Variants in SEMA6D observed in about 807,000 individuals in gnomAD.
SEMA6D encodes semaphorin-6D.
In SEMA6D, 35 loss-of-function variants were observed where a neutral mutation model predicts 106.6. That is an observed-to-expected ratio of 0.33 (90% CI 0.25 to 0.44). The LOEUF is 0.44. Ranked by LOEUF, SEMA6D falls within the 20% of genes least tolerant of loss-of-function variation. The pLI is 1.00. For synonymous variants in SEMA6D, 499 were observed against 487.7 expected, an observed-to-expected ratio of 1.02 and a Z score of -0.31; for missense variants, 1,185 against 1,345.9, an observed-to-expected ratio of 0.88 and a Z score of 1.87.
At chr15:47,581,339 T>A (rs755100346) in intron 3 of SEMA6D, 38 of 493,212 alleles carry the variant, frequency 7.7e-5, no homozygotes, top group South Asian at 5.5e-4. Context: ...TATGTCACCT[T>A]ATGGCAGAAC....
At chr15:47,768,067 T>C (rs1297495665) in intron 17 of SEMA6D, among the ~76,000 whole-genome samples, 2 of 152,156 alleles carry the variant, frequency 1.3e-5, no homozygotes, top group East Asian at 1.9e-4. Flanking sequence ...CAGGAGCCCC[T>C]GGTAACAACC....
At chr15:47,408,021 G>A (rs566132677) in intron 1 of SEMA6D, among the ~76,000 whole-genome samples, 36 of 152,276 alleles carry the variant, frequency 2.4e-4, no homozygotes, top group Middle Eastern at 3.4e-3. Context: ...CAGTAGATAG[G>A]ACTCTTAACC....
chr15:47,708,113 A>G (rs2078947816), intron 4 of SEMA6D, among the ~76,000 whole-genome samples: 1 of 152,184 alleles, frequency 6.6e-6, no homozygotes, highest in Non-Finnish European at 1.5e-5. Context: ...CAAGCTGTAT[A>G]TCCTCCGGCT....
chr15:47,382,072 C>G (rs555542209), intron 1 of SEMA6D, among the ~76,000 whole-genome samples: 38 of 151,984 alleles, frequency 2.5e-4, no homozygotes, highest in Admixed American at 1.5e-3. Flanking sequence ...AATAAAGATA[C>G]AAAGAGGTAA....
intron 1 of SEMA6D, among the ~76,000 whole-genome samples, chr15:47,742,311 A>C (rs1287478963): frequency 6.6e-6 from 1 of 152,144 alleles, no homozygotes; most frequent in African/African-American, 2.4e-5. Flanking sequence ...AACCATGGTG[A>C]AAGAGGGAGT....
At chr15:47,642,457 C>CAT (rs563950486) in intron 4 of SEMA6D, among the ~76,000 whole-genome samples, 5 of 152,178 alleles carry the variant, frequency 3.3e-5, no homozygotes, top group African/African-American at 1.2e-4. Flanking sequence ...CACACACACA[C>CAT]TAGCTGCTGA....
intron 3 of SEMA6D, among the ~76,000 whole-genome samples, chr15:47,594,459 G>C (rs954024324): frequency 6.6e-6 from 1 of 152,176 alleles, no homozygotes; most frequent in Non-Finnish European, 1.5e-5. Flanking sequence ...ATTGTAAGTA[G>C]GTAGTTCATG....
rs117592038 is a variant in SEMA6D, at chr15:47,323,112, A to G, written c.-238-89281A>G. Reference sequence around the variant, plus strand: ...TATCTCTCATCTTTTCATATTGTCTATGTAAGTGTTGTGGCTTTTTAGCTC... The same window carrying G: ...TATCTCTCATCTTTTCATATTGTCTGTGTAAGTGTTGTGGCTTTTTAGCTC... On this transcript the variant is annotated intron_variant, in intron 1 of 19. Coordinates refer to the SEMA6D transcript ENST00000558014. Among the ~76,000 whole-genome samples, 17 of 152,210 alleles carry G rather than the reference A, an allele frequency of 1.1e-4. No individual in the cohort carries two copies. The East Asian group carries it at 2.1e-3, about 19-fold the overall frequency.
chr15:47,642,038 G>A (rs1276099938), intron 4 of SEMA6D, among the ~76,000 whole-genome samples: 2 of 152,138 alleles, frequency 1.3e-5, no homozygotes, highest in East Asian at 1.9e-4. Context: ...TAGCCACTCG[G>A]TAAATGTTTG....
intron 2 of SEMA6D, among the ~76,000 whole-genome samples, chr15:47,417,940 G>T (rs2041029441): frequency 6.6e-6 from 1 of 151,906 alleles, no homozygotes; most frequent in Non-Finnish European, 1.5e-5. Flanking sequence ...AAAAATGTCT[G>T]CATTCAAGGA....
chr15:47,186,104 C>T (rs1323600355), intron 1 of SEMA6D, among the ~76,000 whole-genome samples: 1 of 151,688 alleles, frequency 6.6e-6, no homozygotes, highest in Admixed American at 6.6e-5. Context: ...TATATATATA[C>T]ACATATATAG....
At chr15:47,614,237 C>G (rs2076965460) in intron 4 of SEMA6D, among the ~76,000 whole-genome samples, 1 of 152,172 alleles carries the variant, frequency 6.6e-6, no homozygotes, top group African/African-American at 2.4e-5. Flanking sequence ...CGTGCCCAAA[C>G]CACTTCCCTG....
At chr15:47,227,686 C>A (rs1351578794) in intron 1 of SEMA6D, among the ~76,000 whole-genome samples, 2 of 150,026 alleles carry the variant, frequency 1.3e-5, no homozygotes, top group African/African-American at 4.9e-5. Flanking sequence ...GATGCAATTT[C>A]AGGACTGAAA....
intron 3 of SEMA6D, among the ~76,000 whole-genome samples, chr15:47,535,236 C>T (rs1359308732): frequency 6.6e-6 from 1 of 152,104 alleles, no homozygotes; most frequent in African/African-American, 2.4e-5. Flanking sequence ...TATGTGTACC[C>T]GGTGCTGCTC....
intron 4 of SEMA6D, among the ~76,000 whole-genome samples, chr15:47,701,767 GAT>G (rs762061567): frequency 1.3e-5 from 2 of 152,178 alleles, no homozygotes; most frequent in Admixed American, 6.6e-5. Flanking sequence ...CTTTAGTGAT[GAT>G]ATATCCCCTT....
chr15:47,432,110 A>G (rs891105775), intron 2 of SEMA6D, among the ~76,000 whole-genome samples: 1 of 152,132 alleles, frequency 6.6e-6, no homozygotes, highest in Non-Finnish European at 1.5e-5. Context: ...GAGGAGAGCT[A>G]TGTGTTCACA....
rs1555431465 is a variant in SEMA6D at position 47,772,811 on chromosome 15, C to CCCCG, written c.*1027_*1028insCCGC. On this transcript the variant is annotated 3_prime_UTR_variant, in exon 19 of 19. Transcript: ENST00000536845. ...TTTGATTGTGTTCGTTTCCCCCCCC[C>CCCCG]CAATAGTAAAATTTCTCCTCCTTTA... is the stretch of plus-strand genomic sequence containing the variant. 8.1e-6 allele frequency: 1 copy of CCCCG among 122,832 alleles called. No homozygotes were observed. The allele number at this position is 122,832 out of a possible 1,614,324, so 7.6% of individuals were successfully genotyped here.
intron 1 of SEMA6D, among the ~76,000 whole-genome samples, chr15:47,185,343 A>G (rs1313115833): frequency 6.6e-6 from 1 of 152,150 alleles, no homozygotes; most frequent in African/African-American, 2.4e-5. Flanking sequence ...CAGCCTAGTA[A>G]ATTAAACCCT....
chr15:47,317,192 A>C (rs949056571), intron 1 of SEMA6D, among the ~76,000 whole-genome samples: 2 of 152,162 alleles, frequency 1.3e-5, no homozygotes, highest in East Asian at 3.8e-4. Context: ...ATTTGTGGGC[A>C]TGAAGTTGTT....
Sources: gnomAD v4.1 joint callset for allele counts (sites outside exome capture counted in the v4.1 genomes callset) on GRCh38, gnomAD v4.1.1 for gene constraint, MANE v1.5 for transcripts, NCBI Gene and HGNC (gene_info 2026-07-23, HGNC 2026-07-21) for gene names.